The following SKI variants were observed in gnomAD, a reference collection of about 807,000 sequenced individuals.
SKI encodes SKI proto-oncogene, also known as ski oncogene.
Under a neutral mutation model 59.3 loss-of-function variants are expected in SKI, and 23 were observed. That is an observed-to-expected ratio of 0.39 (90% confidence interval 0.28 to 0.55). The LOEUF (loss-of-function observed/expected upper bound fraction) is 0.55. SKI is among the 20% of genes least tolerant of loss of function. The pLI is 0.67. For synonymous variants in SKI, 673 were observed against 488.6 expected, an observed-to-expected ratio of 1.38 and a Z score of -4.98; for missense variants, 1,017 against 1,038.9, an observed-to-expected ratio of 0.98 and a Z score of 0.29.
At chr1:2,291,066 C>A (rs1166933675) in intron 1 of SKI, among the ~76,000 whole-genome samples, 1 of 152,224 alleles carries the variant, frequency 6.6e-6, no homozygotes, top group Non-Finnish European at 1.5e-5. Context: ...AGGGAGCAGA[C>A]CCCGTTCACC....
At chr1:2,236,067 G>A (rs1281510691) in intron 1 of SKI, among the ~76,000 whole-genome samples, 2 of 152,240 alleles carry the variant, frequency 1.3e-5, no homozygotes, top group Admixed American at 1.3e-4. Context: ...GATGGAAGGA[G>A]TGCTCTGCCT....
intron 1 of SKI, among the ~76,000 whole-genome samples, chr1:2,295,733 CGTGTGACTG>C (rs1557846318): frequency 7.2e-6 from 1 of 138,780 alleles, no homozygotes; most frequent in African/African-American, 2.8e-5. Flanking sequence ...GTCCAGGCCA[CGTGTGACTG>C]TGTGTGTCCG....
chr1:2,231,492 C>T (rs1297063626), intron 1 of SKI, among the ~76,000 whole-genome samples: 2 of 152,200 alleles, frequency 1.3e-5, no homozygotes, highest in African/African-American at 4.8e-5. Flanking sequence ...CCAGGCCACC[C>T]GGCTTCTCTC....
chr1:2,277,182 C>T (rs1639760661), intron 1 of SKI, among the ~76,000 whole-genome samples: 1 of 152,196 alleles, frequency 6.6e-6, no homozygotes, highest in African/African-American at 2.4e-5. Flanking sequence ...ACCCTGTCTC[C>T]TCCCAGGTTC....
intron 1 of SKI, among the ~76,000 whole-genome samples, chr1:2,246,066 G>A (rs1638988174): frequency 6.6e-6 from 1 of 152,208 alleles, no homozygotes; most frequent in Non-Finnish European, 1.5e-5. Context: ...AAAGTGCTGG[G>A]ATTACAGGCG....
At chr1:2,247,205 C>A (rs951869577) in intron 1 of SKI, among the ~76,000 whole-genome samples, 6 of 152,096 alleles carry the variant, frequency 3.9e-5, no homozygotes, top group African/African-American at 1.2e-4. Context: ...GGCAACAGAG[C>A]AAGACTCCAT....
intron 1 of SKI, among the ~76,000 whole-genome samples, chr1:2,275,651 T>C (rs1639725906): frequency 6.6e-6 from 1 of 152,190 alleles, no homozygotes; most frequent in Non-Finnish European, 1.5e-5. Context: ...TAGCTGGGAC[T>C]ACAGGCGTGT....
chr1:2,296,231 A>G (rs138171755), intron 1 of SKI, among the ~76,000 whole-genome samples: 2 of 152,088 alleles, frequency 1.3e-5, no homozygotes, highest in South Asian at 4.2e-4. Flanking sequence ...AAAACAAAAA[A>G]AAAAAAACAA....
chr1:2,229,391 C>A lies in SKI; in HGVS notation c.625C>A (p.Leu209Met), dbSNP rs771298442. 1.1e-4 allele frequency: 180 copies of A among 1,605,714 alleles called. No individual in the cohort carries two copies. Among genetic ancestry groups the A allele is most frequent in the Non-Finnish European group, 1.5e-4 (176 of 1,176,402 alleles). ...GAAGGAGCTGGCCGCCAGCCTGGCGCTGGGCCTGGAGCTCAGCGAGCGCAG... is the reference window on the plus strand; with the variant it reads ...GAAGGAGCTGGCCGCCAGCCTGGCGATGGGCCTGGAGCTCAGCGAGCGCAG... ...CKKELAASLALGLELSERSVR... is the reference protein window; with the variant it reads ...CKKELAASLAMGLELSERSVR... Residue 209 changes from leucine (L) to methionine (M), a missense_variant, in exon 1 of 7, where the codon CTG becomes ATG. Coordinates refer to ENST00000378536, the MANE Select transcript of SKI (RefSeq NM_003036.4). This position sits in a 1 kb window ranked among gnomAD's most constrained non-coding sequence, Gnocchi z 6.3.
chr1:2,272,202 C>T (rs1370277380), intron 1 of SKI, among the ~76,000 whole-genome samples: 2 of 152,224 alleles, frequency 1.3e-5, no homozygotes, highest in African/African-American at 2.4e-5. Flanking sequence ...GGAGCTTCCA[C>T]GAGGGCCGGC....
intron 1 of SKI, among the ~76,000 whole-genome samples, chr1:2,262,221 ATGGGAGTGG>A (rs1639403078): frequency 2.6e-5 from 2 of 76,002 alleles, no homozygotes; most frequent in Non-Finnish European, 2.6e-5. Context: ...CAGAGTTTGG[ATGGGAGTGG>A]TGGGAGTGGA....
intron 1 of SKI, among the ~76,000 whole-genome samples, chr1:2,265,041 A>G (rs1481626382): frequency 6.6e-6 from 1 of 151,936 alleles, no homozygotes; most frequent in Non-Finnish European, 1.5e-5. Flanking sequence ...CGAACTCCTG[A>G]TCTCAGGTGA....
At chr1:2,234,278 G>T (rs1299258358) in intron 1 of SKI, among the ~76,000 whole-genome samples, 1 of 152,204 alleles carries the variant, frequency 6.6e-6, no homozygotes, top group African/African-American at 2.4e-5. Flanking sequence ...GGCTTCTGCA[G>T]GGAGCAGAGC....
At chr1:2,243,161 A>G (rs1250852025) in intron 1 of SKI, among the ~76,000 whole-genome samples, 1 of 152,148 alleles carries the variant, frequency 6.6e-6, no homozygotes, top group East Asian at 1.9e-4. Flanking sequence ...ATCCGTTGGT[A>G]TTGAGAGTCT....
chr1:2,259,763 C>T (rs550603690), intron 1 of SKI, among the ~76,000 whole-genome samples: 87 of 152,298 alleles, frequency 5.7e-4, no homozygotes, highest in African/African-American at 1.9e-3. Flanking sequence ...CGTTGCCTTC[C>T]TTAGAGCTTT....
At chr1:2,288,832 T>A (rs1218014935) in intron 1 of SKI, among the ~76,000 whole-genome samples, 1 of 152,118 alleles carries the variant, frequency 6.6e-6, no homozygotes, top group Admixed American at 6.5e-5. Flanking sequence ...AAGTTCGTCT[T>A]CATCCTTTGA....
chr1:2,258,532 G>T (rs1028262148), intron 1 of SKI, among the ~76,000 whole-genome samples: 2 of 150,642 alleles, frequency 1.3e-5, no homozygotes, highest in South Asian at 2.1e-4. Context: ...CCCATGAGTG[G>T]CTTGGTCGGG....
intron 1 of SKI, among the ~76,000 whole-genome samples, chr1:2,284,212 C>G (rs2645078): frequency 0.14 from 20,747 of 152,134 alleles, 1,696 homozygotes; most frequent in Admixed American, 0.21. Context: ...GCGTCCTCCC[C>G]GTTCCACTGG....
chr1:2,278,486 G>A (rs770217224), intron 1 of SKI, among the ~76,000 whole-genome samples: 12 of 152,196 alleles, frequency 7.9e-5, no homozygotes, highest in Non-Finnish European at 1.5e-4. Flanking sequence ...CACAGTCAGG[G>A]ACAGGCTGCG....
Sources: allele counts gnomAD v4.1 joint callset (sites outside exome capture counted in the v4.1 genomes callset), GRCh38; gene constraint gnomAD v4.1.1; non-coding constraint Gnocchi (gnomAD v3.1); transcripts MANE v1.5; gene names NCBI Gene and HGNC (gene_info 2026-07-23, HGNC 2026-07-21).